MDGA2: variants seen among roughly 807,000 people sequenced by gnomAD.
The protein encoded by MDGA2 is MAM domain-containing glycosylphosphatidylinositol anchor protein 2.
MDGA2 carries 40 observed loss-of-function variants against 117.8 expected under a neutral mutation model. That is an observed-to-expected ratio of 0.34 (90% CI 0.26 to 0.44). The LOEUF is 0.44. Ranked by LOEUF, MDGA2 falls within the 20% of genes least tolerant of loss-of-function variation. The pLI, the probability that MDGA2 is intolerant of heterozygous loss-of-function variation, is 1.00. For synonymous variants in MDGA2, 452 were observed against 439.0 expected (o/e 1.03, Z -0.37); for missense variants, 1,123 against 1,250.6 (o/e 0.90, Z 1.54).
intron 1 of MDGA2, among the ~76,000 whole-genome samples, chr14:47,602,166 T>C (rs1196686724): frequency 6.6e-6 from 1 of 152,202 alleles, no homozygotes; most frequent in East Asian, 1.9e-4. Flanking sequence ...TTTGCTTCCA[T>C]CTTCTACCAG....
chr14:47,279,477 A>C (rs1888406177), intron 2 of MDGA2, among the ~76,000 whole-genome samples: 1 of 152,114 alleles, frequency 6.6e-6, no homozygotes, highest in South Asian at 2.1e-4. Context: ...CTTGGATATA[A>C]GCTGTAAATA....
rs565436304 is a variant in MDGA2 at position 47,225,375 on chromosome 14, G to A, written c.421-7180C>T. On this transcript the variant is annotated intron_variant, in intron 2 of 16. Transcript: ENST00000399232. ...ACACATGCACACGTATGTTTATTGCGGCACTATTCACAATAGCAAAGACTT... is the reference window on the plus strand; with the variant it reads ...ACACATGCACACGTATGTTTATTGCAGCACTATTCACAATAGCAAAGACTT... Among the ~76,000 whole-genome samples the A allele has an allele frequency of 3.9e-3, 595 of 151,348 alleles. 6 individuals are homozygous for A. The highest frequency in any genetic ancestry group is 0.014 in the African/African-American group (564 of 41,250).
chr14:47,554,447 A>T (rs1895646048), intron 1 of MDGA2, among the ~76,000 whole-genome samples: 1 of 152,182 alleles, frequency 6.6e-6, no homozygotes, highest in South Asian at 2.1e-4. Flanking sequence ...CTCATTCTGG[A>T]TGAATGAATA....
At chr14:47,629,946 G>A (rs1897222685) in intron 1 of MDGA2, among the ~76,000 whole-genome samples, 1 of 152,130 alleles carries the variant, frequency 6.6e-6, no homozygotes, top group Non-Finnish European at 1.5e-5. Context: ...TGTCCAATAA[G>A]CACCCAGGTG....
intron 10 of MDGA2, among the ~76,000 whole-genome samples, chr14:46,885,576 A>G (rs1274454052): frequency 1.3e-5 from 2 of 152,194 alleles, no homozygotes; most frequent in Non-Finnish European, 1.5e-5. Context: ...AGGGCTTTGT[A>G]TAGATGTAAA....
intron 1 of MDGA2, chr14:47,343,072 T>C (rs147190975): frequency 7.8e-7 from 1 of 1,280,802 alleles, no homozygotes; most frequent in Non-Finnish European, 1.0e-6. Flanking sequence ...TCCCAAGGGA[T>C]TCATACTTGA....
intron 9 of MDGA2, among the ~76,000 whole-genome samples, chr14:46,943,015 T>C (rs1420877245): frequency 2.0e-5 from 3 of 152,100 alleles, no homozygotes; most frequent in Admixed American, 6.6e-5. Flanking sequence ...ACTATAATTA[T>C]GGAATAGTGT....
At chr14:47,042,814 A>G (rs1271665781) in intron 7 of MDGA2, among the ~76,000 whole-genome samples, 1 of 152,096 alleles carries the variant, frequency 6.6e-6, no homozygotes, top group African/African-American at 2.4e-5. Context: ...AAGTACATTC[A>G]GTGTAAGTGA....
At chr14:47,477,831 T>TA (rs1566476709) in intron 1 of MDGA2, among the ~76,000 whole-genome samples, 1 of 152,228 alleles carries the variant, frequency 6.6e-6, no homozygotes, top group African/African-American at 2.4e-5. Context: ...GATTCCCACT[T>TA]ACATGTGTCA....
intron 1 of MDGA2, among the ~76,000 whole-genome samples, chr14:47,530,778 C>A (rs553573197): frequency 2.6e-5 from 4 of 152,038 alleles, no homozygotes; most frequent in Non-Finnish European, 2.9e-5. Flanking sequence ...AATAGTTAGA[C>A]GAATCACATT....
intron 8 of MDGA2, among the ~76,000 whole-genome samples, chr14:46,988,736 CT>C (rs1306239912): frequency 2.0e-5 from 3 of 152,070 alleles, no homozygotes; most frequent in African/African-American, 7.2e-5. Context: ...TTATCTATCT[CT>C]TCTCAGGTAG....
chr14:47,200,808 C>T, intron 3 of MDGA2: 3 of 802,860 alleles, frequency 3.7e-6, no homozygotes, highest in South Asian at 1.4e-5. Context: ...TTCAAACGCA[C>T]GACCTTCAGG....
rs79861746 is a variant in MDGA2, at chr14:47,622,849, T to A, written c.280+51668A>T. 2.9e-3 allele frequency among the ~76,000 whole-genome samples: 447 copies of A among 152,320 alleles called. 1 individual carries two copies. Among genetic ancestry groups the A allele is most frequent in the African/African-American group, 0.01 (423 of 41,584 alleles). ...TGGCTTGTTCCAGAGTAGCTTCTGA[T>A]GCCAGATGGTTGCACTGAAGCCAAC... On this transcript the variant is annotated intron_variant, in intron 1 of 16. Transcript: ENST00000399232.
At chr14:47,409,311 G>A (rs924220655) in intron 1 of MDGA2, among the ~76,000 whole-genome samples, 1 of 152,142 alleles carries the variant, frequency 6.6e-6, no homozygotes, top group African/African-American at 2.4e-5. Flanking sequence ...AAAGATGGAG[G>A]TGATGGGAAG....
intron 1 of MDGA2, among the ~76,000 whole-genome samples, chr14:47,434,977 A>G (rs1293715475): frequency 6.6e-6 from 1 of 152,056 alleles, no homozygotes; most frequent in Non-Finnish European, 1.5e-5. Flanking sequence ...CTGTACTAAA[A>G]ATACAAAAGT....
At chr14:47,147,319 T>C (rs752791372) in intron 3 of MDGA2, among the ~76,000 whole-genome samples, 1 of 152,116 alleles carries the variant, frequency 6.6e-6, no homozygotes, top group Non-Finnish European at 1.5e-5. Context: ...CAGAGATGTG[T>C]GCGCAGAAAT....
intron 8 of MDGA2, among the ~76,000 whole-genome samples, chr14:46,981,655 G>A (rs1886676718): frequency 1.3e-5 from 2 of 152,158 alleles, no homozygotes; most frequent in Admixed American, 1.3e-4. Context: ...AGTACTGTAA[G>A]TTTTCACAAG....
chr14:47,071,054 T>A (rs1323160168), intron 6 of MDGA2, among the ~76,000 whole-genome samples: 1 of 152,254 alleles, frequency 6.6e-6, no homozygotes, highest in Non-Finnish European at 1.5e-5. Context: ...GTAATTTTTC[T>A]TTCACAACAT....
chr14:47,671,838 G>A (rs1004986393), intron 1 of MDGA2, among the ~76,000 whole-genome samples: 12 of 151,436 alleles, frequency 7.9e-5, no homozygotes, highest in Non-Finnish European at 1.8e-4. Flanking sequence ...TCCTTTTTTT[G>A]ATAAATTTAA....
Sources: gnomAD v4.1 joint callset for allele counts (sites outside exome capture counted in the v4.1 genomes callset) on GRCh38, gnomAD v4.1.1 for gene constraint, MANE v1.5 for transcripts, NCBI Gene and HGNC (gene_info 2026-07-23, HGNC 2026-07-21) for gene names.